The following DPP10 variants were observed in gnomAD, a reference collection of about 807,000 sequenced individuals.
DPP10 encodes dipeptidyl peptidase like 10, also known as inactive dipeptidyl peptidase 10.
In DPP10, 33 loss-of-function variants were observed where a neutral mutation model predicts 120.9. The ratio of observed to expected loss-of-function variants is 0.27; its 90% CI spans 0.21 to 0.37. The LOEUF (loss-of-function observed/expected upper bound fraction) is 0.37, where lower values mean the gene tolerates loss of function less well. Ranked by LOEUF, DPP10 falls within the 10% of genes least tolerant of loss-of-function variation. The pLI is 1.00. For missense variants in DPP10, 816 were observed against 942.8 expected (o/e 0.87, Z 1.76); for synonymous variants, 337 against 326.1 (o/e 1.03, Z -0.36).
chr2:115,077,393 A>T (rs1450172243), intron 1 of DPP10, among the ~76,000 whole-genome samples: 1 of 152,218 alleles, frequency 6.6e-6, no homozygotes, highest in Non-Finnish European at 1.5e-5. Flanking sequence ...GATACATAAA[A>T]TTCTGCCCTT....
At chr2:114,818,099 C>CG (rs1685786652) in intron 1 of DPP10, among the ~76,000 whole-genome samples, 1 of 152,018 alleles carries the variant, frequency 6.6e-6, no homozygotes, top group South Asian at 2.1e-4. Flanking sequence ...ACCAAGATAA[C>CG]ATTGAATCTT....
intron 1 of DPP10, among the ~76,000 whole-genome samples, chr2:114,823,759 A>G (rs1686298882): frequency 6.6e-6 from 1 of 152,194 alleles, no homozygotes; most frequent in Admixed American, 6.5e-5. Context: ...ACTACCCAGT[A>G]GGAGCTACTT....
At chr2:115,608,205 T>C (rs1461255321) in intron 5 of DPP10, among the ~76,000 whole-genome samples, 3 of 151,954 alleles carry the variant, frequency 2.0e-5, no homozygotes, top group Non-Finnish European at 4.4e-5. Context: ...CTGGCCAACA[T>C]GGTAAAACCC....
At chr2:115,221,962 GA>G (rs1314887912) in intron 1 of DPP10, among the ~76,000 whole-genome samples, 1 of 152,064 alleles carries the variant, frequency 6.6e-6, no homozygotes, top group Admixed American at 6.6e-5. Context: ...TGCTAAGTGT[GA>G]GTAAGCAATG....
chr2:114,825,911 A>C (rs1470766609), intron 1 of DPP10, among the ~76,000 whole-genome samples: 1 of 152,174 alleles, frequency 6.6e-6, no homozygotes, highest in Non-Finnish European at 1.5e-5. Flanking sequence ...GTAACGAAGA[A>C]ATTATCATGG....
chr2:115,286,506 CATATATAATATAT>C lies in DPP10; in HGVS notation c.61-22712_61-22700del, dbSNP rs1441761129. Among the ~76,000 whole-genome samples, 19 of 30,522 alleles carry C rather than the reference CATATATAATATAT, an allele frequency of 6.2e-4. 2 individuals carry two copies. The highest frequency in any genetic ancestry group is 1.1e-3 in the African/African-American group (13 of 12,314). 20.0% of individuals were successfully genotyped at this position (30,522 alleles called of 152,430 possible). A position where few individuals can be genotyped will look rare whatever the true frequency, so the allele number is the denominator to read the frequency against. ...ATATATATATAATATATATATATTA[CATATATAATATAT>C]ATATATAATATATATATATATAAAA... On this transcript the variant is annotated intron_variant, in intron 1 of 25. Transcript: ENST00000410059.
At chr2:114,716,584 G>C (rs1701362147) in intron 1 of DPP10, among the ~76,000 whole-genome samples, 1 of 152,078 alleles carries the variant, frequency 6.6e-6, no homozygotes, top group South Asian at 2.1e-4. Flanking sequence ...CACCTAATTG[G>C]GCAGTCCTTC....
At chr2:115,376,416 T>G (rs2065796774) in intron 3 of DPP10, among the ~76,000 whole-genome samples, 1 of 152,262 alleles carries the variant, frequency 6.6e-6, no homozygotes, top group East Asian at 1.9e-4. Context: ...AGTATTGTAT[T>G]ACCAAGTGGA....
At chr2:114,548,236 T>A (rs1029328720) in intron 1 of DPP10, among the ~76,000 whole-genome samples, 39 of 152,162 alleles carry the variant, frequency 2.6e-4, no homozygotes, top group Admixed American at 2.5e-3. Flanking sequence ...AAGTTTGAGT[T>A]CAGGTAGTGG....
At chr2:115,633,981 C>T (rs1575399877) in intron 5 of DPP10, among the ~76,000 whole-genome samples, 2 of 152,178 alleles carry the variant, frequency 1.3e-5, no homozygotes, top group Middle Eastern at 6.8e-3. Flanking sequence ...TTGTTCATTC[C>T]TTTTCATTCT....
intron 1 of DPP10, among the ~76,000 whole-genome samples, chr2:115,261,203 C>T (rs756611157): frequency 2.0e-5 from 3 of 152,132 alleles, no homozygotes; most frequent in African/African-American, 7.2e-5. Flanking sequence ...TCATGGAATC[C>T]GCCGGATCTA....
chr2:115,329,190 C>T (rs186227861), intron 2 of DPP10, among the ~76,000 whole-genome samples: 72 of 152,126 alleles, frequency 4.7e-4, no homozygotes, highest in Admixed American at 1.6e-3. Flanking sequence ...CAGCTGTCCT[C>T]CTCATTCTAT....
At chr2:114,613,982 A>G (rs1693482497) in intron 1 of DPP10, among the ~76,000 whole-genome samples, 1 of 151,966 alleles carries the variant, frequency 6.6e-6, no homozygotes, top group Non-Finnish European at 1.5e-5. Flanking sequence ...TTGGGGGCCC[A>G]GGGGAGGGAG....
At chr2:114,689,787 G>T (rs747273555) in intron 1 of DPP10, among the ~76,000 whole-genome samples, 1 of 152,076 alleles carries the variant, frequency 6.6e-6, no homozygotes, top group Non-Finnish European at 1.5e-5. Context: ...TGACTAGCAT[G>T]GTACCTCATT....
intron 1 of DPP10, among the ~76,000 whole-genome samples, chr2:114,541,395 A>C (rs1686942852): frequency 1.3e-5 from 2 of 152,148 alleles, no homozygotes. Flanking sequence ...CTTCCCCCTT[A>C]GGAAGACCCT....
intron 1 of DPP10, among the ~76,000 whole-genome samples, chr2:115,251,463 A>C (rs185058965): frequency 5.9e-5 from 9 of 152,280 alleles, no homozygotes; most frequent in Admixed American, 2.6e-4. Flanking sequence ...TAATCTTCTT[A>C]TTAGAAAGCT....
chr2:114,504,419 C>T (rs73946182), intron 1 of DPP10, among the ~76,000 whole-genome samples: 7,280 of 152,172 alleles, frequency 0.048, 569 homozygotes, highest in African/African-American at 0.17. Flanking sequence ...CTCATGTTAA[C>T]TTCCTGCCCC....
At chr2:115,396,976 T>A (rs1471616847) in intron 3 of DPP10, among the ~76,000 whole-genome samples, 1 of 152,152 alleles carries the variant, frequency 6.6e-6, no homozygotes. Flanking sequence ...ACACTGTAAA[T>A]GGAAGTATTA....
At chr2:115,373,744 G>T (rs1254979867) in intron 3 of DPP10, among the ~76,000 whole-genome samples, 2 of 151,844 alleles carry the variant, frequency 1.3e-5, no homozygotes, top group African/African-American at 4.8e-5. Context: ...ACCTGAGACT[G>T]GGTAGTTCAG....
Sources: gnomAD v4.1 joint callset for allele counts (sites outside exome capture counted in the v4.1 genomes callset) on GRCh38, gnomAD v4.1.1 for gene constraint, MANE v1.5 for transcripts, NCBI Gene and HGNC (gene_info 2026-07-23, HGNC 2026-07-21) for gene names.